Variants in LPAR1 observed in about 807,000 individuals in gnomAD.
LPAR1 encodes LPA receptor 1.
A neutral mutation model predicts 23.8 loss-of-function variants in LPAR1; 5 were observed. The observed-to-expected ratio is 0.21, with a 90% CI of 0.11 to 0.44. The LOEUF is 0.44. LPAR1 is among the 20% of genes least tolerant of loss of function. LPAR1 has a pLI of 0.99. For synonymous variants in LPAR1, 160 were observed against 164.7 expected (o/e 0.97, Z 0.22); for missense variants, 311 against 482.8 (o/e 0.64, Z 3.33).
intron 5 of LPAR1, among the ~76,000 whole-genome samples, chr9:110,932,206 A>T: frequency 6.6e-6 from 1 of 152,198 alleles, no homozygotes; most frequent in East Asian, 1.9e-4. Context: ...GGTATATTTC[A>T]TGTAGTCATT....
At chr9:110,919,220 A>G (rs1015743562) in intron 5 of LPAR1, among the ~76,000 whole-genome samples, 4 of 151,820 alleles carry the variant, frequency 2.6e-5, no homozygotes, top group African/African-American at 7.3e-5. Flanking sequence ...CTCTCCCTCT[A>G]TCTCTCCCTC....
At chr9:110,992,973 T>C (rs148652920) in intron 2 of LPAR1, among the ~76,000 whole-genome samples, 2 of 152,288 alleles carry the variant, frequency 1.3e-5, no homozygotes, top group East Asian at 1.9e-4. Flanking sequence ...TTTAAATATA[T>C]GTAGTCTATG....
chr9:110,921,316 A>G (rs1453090561), intron 5 of LPAR1, among the ~76,000 whole-genome samples: 1 of 152,194 alleles, frequency 6.6e-6, no homozygotes, highest in Non-Finnish European at 1.5e-5. Flanking sequence ...TTTCCTTTCA[A>G]TATTTATGTT....
At chr9:111,011,722 G>C (rs1364446877) in intron 2 of LPAR1, among the ~76,000 whole-genome samples, 1 of 152,108 alleles carries the variant, frequency 6.6e-6, no homozygotes, top group Non-Finnish European at 1.5e-5. Context: ...TTGCTGGCTA[G>C]TTCTGACCAG....
chr9:111,013,734 G>A (rs987277001), intron 2 of LPAR1, among the ~76,000 whole-genome samples: 2 of 152,104 alleles, frequency 1.3e-5, no homozygotes, highest in African/African-American at 2.4e-5. Context: ...ATGACATTTT[G>A]TTAAATCCTG....
intron 5 of LPAR1, among the ~76,000 whole-genome samples, chr9:110,909,492 C>T (rs148777634): frequency 6.4e-4 from 97 of 152,272 alleles, no homozygotes; most frequent in African/African-American, 2.2e-3. Flanking sequence ...ATCCTAGCAC[C>T]TTCCTGTACA....
intron 5 of LPAR1, among the ~76,000 whole-genome samples, chr9:110,886,420 G>GAAAAAAAAAAA (rs5899920): frequency 8.5e-6 from 1 of 117,168 alleles, no homozygotes; most frequent in Non-Finnish European, 1.6e-5. Flanking sequence ...ATAACCAAAG[G>GAAAAAAAAAAA]AAAAAAAAAA....
intron 2 of LPAR1, among the ~76,000 whole-genome samples, chr9:110,976,798 C>T (rs2096564311): frequency 6.6e-6 from 1 of 152,146 alleles, no homozygotes; most frequent in African/African-American, 2.4e-5. Context: ...TAATGCCTCT[C>T]ACCTGCAAAA....
chr9:111,015,729 T>C (rs912904627), intron 2 of LPAR1, among the ~76,000 whole-genome samples: 8 of 152,144 alleles, frequency 5.3e-5, no homozygotes, highest in African/African-American at 1.9e-4. Context: ...AAAAATTATA[T>C]AGGTCAGTGA....
intron 4 of LPAR1, among the ~76,000 whole-genome samples, chr9:110,968,400 C>G (rs2096289199): frequency 6.6e-6 from 1 of 152,056 alleles, no homozygotes; most frequent in African/African-American, 2.4e-5. Flanking sequence ...TGCAACCATC[C>G]AAAACAAAAT....
At chr9:110,939,417 A>G (rs1170240278) in intron 5 of LPAR1, among the ~76,000 whole-genome samples, 1 of 152,214 alleles carries the variant, frequency 6.6e-6, no homozygotes, top group Non-Finnish European at 1.5e-5. Flanking sequence ...GGGGTTTTCC[A>G]TGTTCTGAAA....
chr9:110,997,218 A>G (rs2097030320), intron 2 of LPAR1, among the ~76,000 whole-genome samples: 1 of 152,198 alleles, frequency 6.6e-6, no homozygotes, highest in African/African-American at 2.4e-5. Flanking sequence ...CAAAGGGCAG[A>G]TATTCCATCA....
chr9:110,931,955 T>C (rs1194148535), intron 5 of LPAR1, among the ~76,000 whole-genome samples: 11 of 152,158 alleles, frequency 7.2e-5, no homozygotes, highest in Non-Finnish European at 1.6e-4. Context: ...TCAGGTAGCA[T>C]GATGCCTCCA....
At chr9:110,971,780 T>C (rs2096432202) in intron 4 of LPAR1, among the ~76,000 whole-genome samples, 1 of 138,806 alleles carries the variant, frequency 7.2e-6, no homozygotes, top group Non-Finnish European at 1.5e-5. Context: ...GGTTTACTAC[T>C]GACTTACTTT....
rs77609780 is a variant in LPAR1 at position 110,913,996 on chromosome 9, C to T, written c.793+27425G>A. Among the ~76,000 whole-genome samples, 661 of 152,210 alleles carry T rather than the reference C, an allele frequency of 4.3e-3. 13 individuals carry two copies. In the East Asian group the frequency reaches 0.07, roughly 16 times the overall value. On this transcript the variant is annotated intron_variant, in intron 5 of 5. Coordinates refer to ENST00000683809, the MANE Select transcript of LPAR1 (RefSeq NM_001351411.2). ...GCATCACTGACTTATTTTTGGCAGG[C>T]GATTTGGGACAAAAAGAAGTTCCCT...
chr9:110,907,794 G>A (rs1036064721), intron 5 of LPAR1, among the ~76,000 whole-genome samples: 7 of 151,992 alleles, frequency 4.6e-5, no homozygotes, highest in African/African-American at 1.7e-4. Context: ...AGAAAAAGCA[G>A]GAACTACAGA....
At chr9:111,036,382 A>C (rs1426530542) in intron 1 of LPAR1, among the ~76,000 whole-genome samples, 181 bp from the exon 2 acceptor site, 6 of 151,906 alleles carry the variant, frequency 3.9e-5, no homozygotes, top group Admixed American at 1.3e-4. Flanking sequence ...GAAAGGAAAA[A>C]AAAAAAAAAA....
intron 2 of LPAR1, among the ~76,000 whole-genome samples, chr9:111,002,179 A>G (rs2097140157): frequency 6.6e-6 from 1 of 152,162 alleles, no homozygotes; most frequent in South Asian, 2.1e-4. Context: ...TAACACTTAC[A>G]TGTTTCAGCT....
At chr9:110,877,512 TA>T (rs2079429733) in intron 5 of LPAR1, among the ~76,000 whole-genome samples, 2 of 152,150 alleles carry the variant, frequency 1.3e-5, no homozygotes, top group South Asian at 4.1e-4. Context: ...CTCAGAAAGC[TA>T]AACATAAAGG....
Sources: allele counts gnomAD v4.1 joint callset (sites outside exome capture counted in the v4.1 genomes callset), GRCh38; gene constraint gnomAD v4.1.1; transcripts MANE v1.5; gene names NCBI Gene and HGNC (gene_info 2026-07-23, HGNC 2026-07-21).